The following PCCA variants were observed in gnomAD, a reference collection of about 807,000 sequenced individuals.
PCCA encodes the protein propionyl-CoA carboxylase subunit alpha, also known as propionyl-CoA carboxylase alpha chain, mitochondrial.
Under a neutral mutation model 101.3 loss-of-function variants are expected in PCCA, and 74 were observed. The ratio of observed to expected loss-of-function variants is 0.73; its 90% CI spans 0.61 to 0.89. The LOEUF (loss-of-function observed/expected upper bound fraction) is 0.89. Among genes scored for constraint, PCCA ranks in the 40% least tolerant of loss-of-function variants. The pLI is 0.00. For synonymous variants in PCCA, 294 were observed against 313.6 expected, an observed-to-expected ratio of 0.94 and a Z score of 0.66; for missense variants, 891 against 907.0, an observed-to-expected ratio of 0.98 and a Z score of 0.23.
chr13:100,492,690 G>A (rs769350581), intron 21 of PCCA, among the ~76,000 whole-genome samples: 1 of 150,120 alleles, frequency 6.7e-6, no homozygotes, highest in Non-Finnish European at 1.5e-5. Context: ...GGCTCACCAC[G>A]CCCCCCTCTC....
At chr13:100,089,355 C>T in intron 1 of PCCA, 130 bp downstream of exon 1, 1 of 1,212,070 alleles carries the variant, frequency 8.3e-7, no homozygotes, top group Non-Finnish European at 1.1e-6. Flanking sequence ...GCATCAGCTA[C>T]ACCGCTTGCT....
chr13:100,427,057 A>G (rs1203515415), intron 20 of PCCA, among the ~76,000 whole-genome samples: 1 of 152,126 alleles, frequency 6.6e-6, no homozygotes, highest in East Asian at 1.9e-4. Context: ...TCTCCACTAC[A>G]AATACAAAAA....
chr13:100,159,677 T>G (rs546869338), intron 6 of PCCA, among the ~76,000 whole-genome samples: 81 of 152,350 alleles, frequency 5.3e-4, no homozygotes, highest in African/African-American at 1.9e-3. Flanking sequence ...CCTCCTTTCT[T>G]TCACACGAGT....
rs150521566 is a variant in PCCA, at chr13:100,353,793, A to G, written c.1643+13534A>G. ...CATGGTGAAACCCTATCTCTATAAA[A>G]AATACAAGAATATGCTGCGCATGGT... On this transcript the variant is annotated intron_variant, in intron 18 of 23. Transcript: ENST00000376285. Among the ~76,000 whole-genome samples the G allele has an allele frequency of 1.0e-3, 154 of 152,158 alleles. 3 individuals carry two copies. The East Asian group carries it at 0.027, about 26-fold the overall frequency.
intron 20 of PCCA, among the ~76,000 whole-genome samples, chr13:100,434,392 C>G (rs767282): frequency 0.36 from 54,009 of 151,820 alleles, 10,295 homozygotes; most frequent in East Asian, 0.67. Context: ...TTTTCTACTT[C>G]AGAGCTGCTA....
chr13:100,257,493 T>A (rs1375927814), intron 8 of PCCA, 102 bp from the exon 9 acceptor site: 2 of 838,012 alleles, frequency 2.4e-6, no homozygotes, highest in Non-Finnish European at 4.0e-6. Context: ...TTAAATAAAT[T>A]AATTATTGTT....
intron 21 of PCCA, among the ~76,000 whole-genome samples, chr13:100,474,464 CTCTCTG>C (rs67875982): frequency 0.2 from 29,783 of 148,162 alleles, 3,952 homozygotes; most frequent in East Asian, 0.54. Flanking sequence ...CTCTCTCTCT[CTCTCTG>C]TCTCTGTCTC....
At chr13:100,476,596 T>C (rs575099343) in intron 21 of PCCA, among the ~76,000 whole-genome samples, 10 of 152,356 alleles carry the variant, frequency 6.6e-5, no homozygotes, top group African/African-American at 2.4e-4. Context: ...CATTTACTCA[T>C]TCATTTATCC....
At chr13:100,380,032 AACAC>A (rs140284754) in intron 19 of PCCA, among the ~76,000 whole-genome samples, 1 of 149,564 alleles carries the variant, frequency 6.7e-6, no homozygotes, top group African/African-American at 2.5e-5. Context: ...AAGTAATCTA[AACAC>A]ACACACACAC....
intron 18 of PCCA, among the ~76,000 whole-genome samples, chr13:100,359,741 C>T (rs1186749263): frequency 1.3e-5 from 2 of 152,042 alleles, no homozygotes; most frequent in Admixed American, 6.6e-5. Context: ...CAAAAATAGG[C>T]ATAAAGTTAA....
intron 6 of PCCA, among the ~76,000 whole-genome samples, chr13:100,179,102 A>G (rs111361617): frequency 5.3e-5 from 8 of 149,834 alleles, no homozygotes; most frequent in African/African-American, 1.7e-4. Context: ...ATATATATAT[A>G]TATATATTTG....
At chr13:100,297,146 C>T (rs1455552314) in intron 12 of PCCA, among the ~76,000 whole-genome samples, 1 of 152,182 alleles carries the variant, frequency 6.6e-6, no homozygotes, top group Non-Finnish European at 1.5e-5. Flanking sequence ...GTTGGTAGCA[C>T]GAAGTGCCTC....
intron 21 of PCCA, among the ~76,000 whole-genome samples, chr13:100,467,210 G>T (rs550038889): frequency 6.6e-6 from 1 of 152,266 alleles, no homozygotes; most frequent in East Asian, 1.9e-4. Context: ...CTGGGTGGTT[G>T]GGAGTTAGTT....
At chr13:100,482,763 G>A (rs1036427073) in intron 21 of PCCA, among the ~76,000 whole-genome samples, 6 of 152,142 alleles carry the variant, frequency 3.9e-5, no homozygotes, top group African/African-American at 1.4e-4. Context: ...GCTCACGCCT[G>A]TAATCCCAGC....
In PCCA at chr13:100,298,712, T is replaced by G. The variant is rs1227127991; in HGVS notation, c.1066-2748T>G. Among the ~76,000 whole-genome samples, 12 of 98,006 alleles carry G rather than the reference T, an allele frequency of 1.2e-4. No homozygotes were observed. In the East Asian group the frequency reaches 1.7e-3, roughly 14 times the overall value. 64.3% of individuals were successfully genotyped at this position (98,006 alleles called of 152,430 possible). ...CTTCCTTCCTTCCTTCCTTCCTTCC[T>G]TCCTTCCTTCCTTCCTTCCTTCCTT... On this transcript the variant is annotated intron_variant, in intron 12 of 23. Transcript: ENST00000376285.
chr13:100,297,140 G>T (rs2065610156), intron 12 of PCCA, among the ~76,000 whole-genome samples: 1 of 152,172 alleles, frequency 6.6e-6, no homozygotes, highest in South Asian at 2.1e-4. Context: ...CACCATGTTG[G>T]TAGCACGAAG....
chr13:100,228,848 G>A (rs1448582158), intron 7 of PCCA, among the ~76,000 whole-genome samples: 2 of 150,432 alleles, frequency 1.3e-5, no homozygotes, highest in Admixed American at 6.6e-5. Flanking sequence ...TGCAATGAGC[G>A]GGGATCGCTC....
chr13:100,120,895 T>A (rs1473085394), intron 4 of PCCA, among the ~76,000 whole-genome samples: 1 of 152,146 alleles, frequency 6.6e-6, no homozygotes, highest in African/African-American at 2.4e-5. Context: ...CATTTTGGAG[T>A]GTATAGCTAT....
rs11329867 is a variant in PCCA, at chr13:100,181,770, CTT to C, written c.468+24442_468+24443del. 7.0e-3 allele frequency among the ~76,000 whole-genome samples: 912 copies of C among 130,458 alleles called. 4 individuals carry two copies. Among genetic ancestry groups the C allele is most frequent in the Admixed American group, 0.011 (139 of 12,928 alleles). 85.6% of individuals were successfully genotyped at this position (130,458 alleles called of 152,430 possible). A position where few individuals can be genotyped will look rare whatever the true frequency, so the allele number is the denominator to read the frequency against. ...TTTTTGTTTTTCTTTTTCTTTTTTT[CTT>C]TTTTTTTTTTTGAGATGGAATCTCG... On this transcript the variant is annotated intron_variant, in intron 6 of 23. Transcript: ENST00000376285.
Sources: gnomAD v4.1 joint callset for allele counts (sites outside exome capture counted in the v4.1 genomes callset) on GRCh38, gnomAD v4.1.1 for gene constraint, MANE v1.5 for transcripts, NCBI Gene and HGNC (gene_info 2026-07-23, HGNC 2026-07-21) for gene names.